The following KPNA4 variants were observed in gnomAD, a reference collection of about 807,000 sequenced individuals.
KPNA4 encodes karyopherin subunit alpha 4, also known as importin subunit alpha-3.
Under a neutral mutation model 71.3 loss-of-function variants are expected in KPNA4, and 13 were observed. The observed-to-expected ratio is 0.18, with a 90% CI of 0.12 to 0.29. The LOEUF is 0.29. Among genes scored for constraint, KPNA4 ranks in the 10% least tolerant of loss-of-function variants. The pLI, the probability that KPNA4 is intolerant of heterozygous loss-of-function variation, is 1.00. For missense variants in KPNA4, 334 were observed against 603.2 expected (o/e 0.55, Z 4.67); for synonymous variants, 189 against 195.2 (o/e 0.97, Z 0.26).
intron 11 of KPNA4, among the ~76,000 whole-genome samples, chr3:160,516,687 G>C (rs1721232545): frequency 6.6e-6 from 1 of 151,960 alleles, no homozygotes. Flanking sequence ...TGGGAGGATT[G>C]CTTGAGCCTG....
At chr3:160,508,680 T>C (rs910237362) in intron 14 of KPNA4, among the ~76,000 whole-genome samples, 2 of 150,930 alleles carry the variant, frequency 1.3e-5, no homozygotes, top group African/African-American at 4.9e-5. Context: ...TTGCGCAGGA[T>C]TTATTTATTT....
intron 1 of KPNA4, among the ~76,000 whole-genome samples, chr3:160,542,332 G>C (rs928242028): frequency 3.3e-5 from 5 of 152,188 alleles, no homozygotes; most frequent in South Asian, 2.1e-4. Flanking sequence ...AGCATAACTA[G>C]AAAAGTATGT....
chr3:160,507,571 T>C (rs930766045), intron 15 of KPNA4, among the ~76,000 whole-genome samples: 10 of 152,026 alleles, frequency 6.6e-5, no homozygotes, highest in Admixed American at 6.6e-5. Context: ...CTTCATAGTT[T>C]CTACCCCATA....
At chr3:160,526,803 G>T (rs1381465622) in intron 8 of KPNA4, among the ~76,000 whole-genome samples, 4 of 152,150 alleles carry the variant, frequency 2.6e-5, no homozygotes, top group African/African-American at 9.7e-5. Context: ...GAGATAAAAT[G>T]TTTGTTCTTT....
At chr3:160,548,658 C>T (rs1000168920) in intron 1 of KPNA4, among the ~76,000 whole-genome samples, 3 of 152,020 alleles carry the variant, frequency 2.0e-5, no homozygotes, top group African/African-American at 4.8e-5. Context: ...AATAATATTC[C>T]ACTGTATGTA....
intron 15 of KPNA4, among the ~76,000 whole-genome samples, chr3:160,505,895 T>C (rs1720973928): frequency 6.6e-6 from 1 of 152,184 alleles, no homozygotes; most frequent in African/African-American, 2.4e-5. Flanking sequence ...ACCAGGAAAT[T>C]TCATAGCTAC....
At chr3:160,564,667 A>T (rs1385433612) in intron 1 of KPNA4, 1 of 152,006 alleles carries the variant, frequency 6.6e-6, no homozygotes. Flanking sequence ...GGGGGGAGGC[A>T]GGGGTAAAGC....
At chr3:160,521,642 A>C in intron 11 of KPNA4, 137 bp downstream of exon 11, 1 of 794,678 alleles carries the variant, frequency 1.3e-6, no homozygotes, top group Non-Finnish European at 2.0e-6. Flanking sequence ...CTTATTATTT[A>C]TTTTCCCCTT....
chr3:160,510,945 G>A (rs1265861898), intron 13 of KPNA4, among the ~76,000 whole-genome samples: 6 of 151,124 alleles, frequency 4.0e-5, no homozygotes, highest in South Asian at 2.1e-4. Context: ...GCACCACCAC[G>A]CCTGGCTAGT....
chr3:160,543,069 T>C (rs1721835291), intron 1 of KPNA4, among the ~76,000 whole-genome samples: 1 of 140,980 alleles, frequency 7.1e-6, no homozygotes, highest in South Asian at 2.3e-4. Context: ...AGTCACAAAA[T>C]AAAGAAGGGA....
chr3:160,565,064 T>C (rs1260724733), intron 1 of KPNA4, 150 bp downstream of exon 1: 5 of 635,512 alleles, frequency 7.9e-6, no homozygotes, highest in East Asian at 2.9e-5. Flanking sequence ...CCCGGCGCGC[T>C]AGCAGAGGCG....
At position 160,525,952 on chromosome 3, in the gene KPNA4, C is replaced by A. The variant is rs1324942616; in HGVS notation, c.712G>T (p.Glu238Ter). The A allele has an allele frequency of 1.3e-6, 2 of 1,574,678 alleles. No homozygotes were observed. Among genetic ancestry groups the A allele is most frequent in the South Asian group, 1.2e-5 (1 of 81,936 alleles). Reference protein sequence around the residue: ...CRHKDPPPPMETIQEILPALC... With the variant: ...CRHKDPPPPM The stretch of plus-strand genomic sequence containing the variant: ...AAAGTGTTTACCTCCTGAATGGTTT[C>A]CATTGGTGGTGGTGGGTCTTTGTGG... The change falls in exon 9 of 17, where the codon GAA (glutamate) becomes TAA (stop). Residue 238 changes from glutamate to a stop codon, truncating the protein, a stop_gained. Transcript: ENST00000334256. LOFTEE classifies it high-confidence loss of function.
At chr3:160,509,644 C>G (rs542953020) in intron 14 of KPNA4, among the ~76,000 whole-genome samples, 156 bp downstream of exon 14, 6 of 152,072 alleles carry the variant, frequency 3.9e-5, no homozygotes, top group Non-Finnish European at 8.8e-5. Context: ...GTTGCCCAGG[C>G]CAGTCACAAA....
At chr3:160,557,504 C>T (rs549730924) in intron 1 of KPNA4, among the ~76,000 whole-genome samples, 7 of 152,088 alleles carry the variant, frequency 4.6e-5, no homozygotes, top group Non-Finnish European at 8.8e-5. Context: ...AGGATTCCGA[C>T]TTTTGTTAGT....
intron 5 of KPNA4, among the ~76,000 whole-genome samples, chr3:160,533,019 T>G (rs1721604323): frequency 6.6e-6 from 1 of 152,206 alleles, no homozygotes. Flanking sequence ...CTACGTTTGG[T>G]GCTATCACTA....
rs1722328035 is a variant in KPNA4, at chr3:160,565,364, C to G, written c.-82G>C. ...CGCGCCGCACCGACACTCCCAGGAA[C>G]CGGGCCGCCGCCTGAGCTGCTGTGC... is the stretch of plus-strand genomic sequence containing the variant. On this transcript the variant is annotated 5_prime_UTR_variant, in exon 1 of 17. Coordinates refer to ENST00000334256, the MANE Select transcript of KPNA4 (RefSeq NM_002268.5). 8.4e-7 allele frequency: 1 copy of G among 1,187,366 alleles called. No individual in the cohort carries two copies. Among genetic ancestry groups the G allele is most frequent in the Non-Finnish European group, 1.2e-6 (1 of 824,858 alleles). 73.6% of individuals were successfully genotyped at this position (1,187,366 alleles called of 1,614,324 possible).
chr3:160,565,516 C>A lies in KPNA4; in HGVS notation c.-234G>T. On this transcript the variant is annotated 5_prime_UTR_variant, in exon 1 of 17. Transcript: ENST00000334256. The stretch of plus-strand genomic sequence containing the variant: ...CGGCAAAGACAACTGTGGGGCCGGG[C>A]GGCGGCAAGGCGACGGAATGTGCTG... The A allele has an allele frequency of 1.9e-6, 1 of 533,192 alleles. No individual in the cohort carries two copies. Among genetic ancestry groups the A allele is most frequent in the Non-Finnish European group, 3.3e-6 (1 of 303,738 alleles). The allele number at this position is 533,192 out of a possible 1,614,324, so 33.0% of individuals were successfully genotyped here.
intron 1 of KPNA4, among the ~76,000 whole-genome samples, chr3:160,538,134 T>C (rs953978283): frequency 2.0e-5 from 3 of 149,740 alleles, no homozygotes. Flanking sequence ...TATATATATG[T>C]ATGTATATAT....
In KPNA4 at chr3:160,509,820, T is replaced by C; in HGVS notation, c.1189A>G (p.Ile397Val). ...CTTACTTGATCTTTCCTTCCACTAA[T>C]TGTTAAGTTACTTATGGCCCAAGCA... is the stretch of plus-strand genomic sequence containing the variant. ...EAAWAISNLT[I>V]SGRKDQVAYL... Residue 397 changes from isoleucine to valine, a missense_variant, in exon 14 of 17, where the codon ATT becomes GTT. Transcript: ENST00000334256. 3 of 1,610,956 alleles carry C rather than the reference T, an allele frequency of 1.9e-6. No homozygotes were observed. The highest frequency in any genetic ancestry group is 2.5e-6 in the Non-Finnish European group (3 of 1,177,540).
Sources: allele counts gnomAD v4.1 joint callset (sites outside exome capture counted in the v4.1 genomes callset), GRCh38; gene constraint gnomAD v4.1.1; transcripts MANE v1.5; gene names NCBI Gene and HGNC (gene_info 2026-07-23, HGNC 2026-07-21).